AHDC1: variants seen among roughly 807,000 people sequenced by gnomAD.
The protein encoded by AHDC1 is AT-hook DNA binding motif containing 1, also known as transcription factor Gibbin.
A neutral mutation model predicts 87.9 loss-of-function variants in AHDC1; 7 were observed. The ratio of observed to expected loss-of-function variants is 0.08; its 90% CI spans 0.05 to 0.15. AHDC1 has a LOEUF of 0.15. Ranked by LOEUF, AHDC1 falls within the 10% of genes least tolerant of loss-of-function variation. The pLI, the probability that AHDC1 is intolerant of heterozygous loss-of-function variation, is 1.00. For missense variants in AHDC1, 1,841 were observed against 2,253.2 expected, an observed-to-expected ratio of 0.82 and a Z score of 3.70; for synonymous variants, 1,051 against 1,006.8, an observed-to-expected ratio of 1.04 and a Z score of -0.83.
At chr1:27,596,529 G>A (rs976446628) in intron 3 of AHDC1, among the ~76,000 whole-genome samples, 1 of 152,098 alleles carries the variant, frequency 6.6e-6, no homozygotes, top group South Asian at 2.1e-4. Context: ...ACGTGCTTGT[G>A]CTGGATGTTC....
Position 27,547,318 on chromosome 1 carries a change from C to T in AHDC1, c.4798G>A (p.Val1600Ile), listed in dbSNP as rs866573026. The T allele has an allele frequency of 3.9e-6, 6 of 1,544,244 alleles. No individual in the cohort carries two copies. Among genetic ancestry groups the T allele is most frequent in the Middle Eastern group, 1.7e-4 (1 of 5,738 alleles). The change falls in exon 8 of 9, where the codon GTC becomes ATC. Residue 1600 changes from valine to isoleucine, a missense_variant. Val to Ile is a conservative substitution (Grantham distance 29). Around this residue, in one of 13 missense-constraint regions of AHDC1, gnomAD observed 505 missense variants for 626.2 expected, o/e 0.81. Transcript: ENST00000673934. This position sits in a 1 kb window ranked among gnomAD's most constrained non-coding sequence, Gnocchi z 4.9. ...TTCAGTTGGCACTACAGGGATGTGA[C>T]GGTGAATGTGTCCTCGGGGTGAGGT... is the stretch of plus-strand genomic sequence containing the variant. ...AEPHPEDTFT[V>I]TSL
chr1:27,582,411 A>G (rs1055831090), intron 3 of AHDC1, among the ~76,000 whole-genome samples: 2 of 152,226 alleles, frequency 1.3e-5, no homozygotes, highest in African/African-American at 4.8e-5. Flanking sequence ...CCTGCTATAC[A>G]AATAAGAGTA....
At chr1:27,564,431 C>T (rs993087049) in intron 3 of AHDC1, among the ~76,000 whole-genome samples, 2 of 152,232 alleles carry the variant, frequency 1.3e-5, no homozygotes, top group African/African-American at 4.8e-5. Context: ...ACCTCATCTT[C>T]CTCATCTGTA....
At chr1:27,535,686 A>G (rs547498697) in intron 8 of AHDC1, among the ~76,000 whole-genome samples, 10 of 152,114 alleles carry the variant, frequency 6.6e-5, no homozygotes, top group Non-Finnish European at 1.2e-4. Context: ...ACACAATGCC[A>G]TCTGTGTTTG....
At chr1:27,571,612 G>A (rs142680991) in intron 3 of AHDC1, among the ~76,000 whole-genome samples, 4 of 152,140 alleles carry the variant, frequency 2.6e-5, no homozygotes, top group East Asian at 1.9e-4. Flanking sequence ...AGCCAAGGAG[G>A]GGGGGGTGGC....
chr1:27,580,591 C>A (rs1167563812), intron 3 of AHDC1, among the ~76,000 whole-genome samples: 2 of 152,206 alleles, frequency 1.3e-5, no homozygotes, highest in African/African-American at 4.8e-5. Context: ...TAACTTCCAA[C>A]CCTGACTGGG....
intron 3 of AHDC1, among the ~76,000 whole-genome samples, chr1:27,570,465 T>A (rs964362337): frequency 4.6e-5 from 7 of 152,054 alleles, no homozygotes; most frequent in African/African-American, 1.7e-4. Flanking sequence ...AAGAACCAAG[T>A]TTCCTGGGTC....
intron 8 of AHDC1, among the ~76,000 whole-genome samples, chr1:27,536,126 C>T (rs530790319): frequency 1.3e-5 from 2 of 152,046 alleles, no homozygotes; most frequent in South Asian, 2.1e-4. Context: ...AGGAATCAGG[C>T]GGCGGCAGAA....
chr1:27,566,699 G>A (rs1212017561), intron 3 of AHDC1, among the ~76,000 whole-genome samples: 1 of 140,872 alleles, frequency 7.1e-6, no homozygotes, highest in African/African-American at 2.6e-5. Context: ...AGGAGGAGGA[G>A]GGATGTCATT....
At chr1:27,540,885 G>A (rs1015419427) in intron 8 of AHDC1, among the ~76,000 whole-genome samples, 1 of 151,516 alleles carries the variant, frequency 6.6e-6, no homozygotes, top group Non-Finnish European at 1.5e-5. Flanking sequence ...GGAGGCTGGA[G>A]AGGGAAGGAA....
intron 3 of AHDC1, among the ~76,000 whole-genome samples, chr1:27,575,532 G>A (rs2088698389): frequency 6.6e-6 from 1 of 151,942 alleles, no homozygotes; most frequent in South Asian, 2.1e-4. Flanking sequence ...CCCGAGCTGC[G>A]CGCTTAGCTC....
In AHDC1 at chr1:27,557,405, T is replaced by A. The variant is rs146427355; in HGVS notation, c.-225+900A>T. 2.3e-3 allele frequency among the ~76,000 whole-genome samples: 300 copies of A among 131,304 alleles called. 1 individual carries two copies. The highest frequency in any genetic ancestry group is 8.4e-3 in the African/African-American group (286 of 34,034). 86.1% of individuals were successfully genotyped at this position (131,304 alleles called of 152,430 possible). A position where few individuals can be genotyped will look rare whatever the true frequency, so the allele number is the denominator to read the frequency against. On this transcript the variant is annotated intron_variant, in intron 5 of 8. Coordinates refer to ENST00000673934, the MANE Select transcript of AHDC1 (RefSeq NM_001371928.1). The stretch of plus-strand genomic sequence containing the variant: ...CCGCCCACCTCCTTCCCCAGAGAGC[T>A]CCTTGTTCCACGCCCCCCCGCTCCC...
intron 8 of AHDC1, among the ~76,000 whole-genome samples, chr1:27,544,744 A>G (rs945219638): frequency 1.3e-5 from 2 of 152,048 alleles, no homozygotes; most frequent in Non-Finnish European, 2.9e-5. Context: ...TTAGATAGAG[A>G]GAGGGGGCAG....
At chr1:27,536,639 C>T (rs1052086389) in intron 8 of AHDC1, among the ~76,000 whole-genome samples, 3 of 152,070 alleles carry the variant, frequency 2.0e-5, no homozygotes, top group Admixed American at 1.3e-4. Flanking sequence ...TGAGCCAGAG[C>T]GCTGGGGGCA....
chr1:27,602,485 G>C (rs1481526704), intron 3 of AHDC1, among the ~76,000 whole-genome samples: 1 of 152,106 alleles, frequency 6.6e-6, no homozygotes, highest in Non-Finnish European at 1.5e-5. Context: ...CTGTAGAACA[G>C]GAAACAAGGT....
chr1:27,601,614 A>T (rs1225028919), intron 3 of AHDC1, among the ~76,000 whole-genome samples: 1 of 152,256 alleles, frequency 6.6e-6, no homozygotes, highest in Non-Finnish European at 1.5e-5. Context: ...ATTTTCCATT[A>T]CTATAAAAAT....
chr1:27,550,626 G>C lies in AHDC1; in HGVS notation c.1490C>G (p.Ser497Cys). The C allele has an allele frequency of 6.2e-7, 1 of 1,613,762 alleles. No individual in the cohort carries two copies. Among genetic ancestry groups the C allele is most frequent in the Non-Finnish European group, 8.5e-7 (1 of 1,180,044 alleles). ...CTCCACGCTCAGGCTGCTGCTCAAG[G>C]AAGACACTTTGTATGTGGTCTTGTT... ...RRNKTTYKVS[S>C]LSSSLSVEGK... The change falls in exon 8 of 9, where the codon TCC (serine) becomes TGC (cysteine). Residue 497 changes from serine (S) to cysteine (C), a missense_variant. Physicochemically the swap from Ser to Cys is moderately radical, Grantham distance 112. Coordinates refer to ENST00000673934, the MANE Select transcript of AHDC1 (RefSeq NM_001371928.1).
In AHDC1 at chr1:27,561,999, C is replaced by T. The variant is rs2020107294; in HGVS notation, c.-628-3116G>A. ...GCCAGTAAGGACCAAGGAAGAGCCC[C>T]AGAGGGGAGAGAGGCACGGGGGAAG... On this transcript the variant is annotated intron_variant, in intron 3 of 8. Transcript: ENST00000673934. This position sits in a 1 kb window ranked among gnomAD's most constrained non-coding sequence, Gnocchi z 4.2. 6.6e-6 allele frequency among the ~76,000 whole-genome samples: 1 copy of T among 151,868 alleles called. No homozygotes were observed. The highest frequency in any genetic ancestry group is 2.4e-5 in the African/African-American group (1 of 41,330).
At position 27,550,826 on chromosome 1, in the gene AHDC1, T is replaced by C; in HGVS notation, c.1290A>G (p.Pro430=). The part of the protein sequence containing the change: ...TGLVAALAEP[P]PPPPPPPPAL... ...CAGGGGGTGGAGGAGGCGGTGGTGG[T>C]GGGGGTTCGGCCAGGGCAGCCACCA... is the stretch of plus-strand genomic sequence containing the variant. Residue 430 remains proline (P), a synonymous_variant, in exon 8 of 9, where the codon CCA becomes CCG. Coordinates refer to ENST00000673934, the MANE Select transcript of AHDC1 (RefSeq NM_001371928.1). The C allele has an allele frequency of 1.3e-6, 2 of 1,564,438 alleles. No homozygotes were observed. The highest frequency in any genetic ancestry group is 1.2e-5 in the South Asian group (1 of 86,638).
Sources: allele counts gnomAD v4.1 joint callset (sites outside exome capture counted in the v4.1 genomes callset), GRCh38; gene constraint gnomAD v4.1.1; regional missense constraint gnomAD v4.1.1; non-coding constraint Gnocchi (gnomAD v3.1); transcripts MANE v1.5; gene names NCBI Gene and HGNC (gene_info 2026-07-23, HGNC 2026-07-21).